NMT1: variants seen among roughly 807,000 people sequenced by gnomAD.
The protein encoded by NMT1 is glycylpeptide N-tetradecanoyltransferase 1.
In NMT1, 12 loss-of-function variants were observed where a neutral mutation model predicts 63.4. The observed-to-expected ratio is 0.19, with a 90% CI of 0.12 to 0.31. NMT1 has a LOEUF of 0.31. NMT1 is among the 10% of genes least tolerant of loss of function. The pLI, the probability that NMT1 is intolerant of heterozygous loss-of-function variation, is 1.00. For missense variants in NMT1, 432 were observed against 634.6 expected (o/e 0.68, Z 3.43); for synonymous variants, 228 against 234.3 (o/e 0.97, Z 0.25).
At chr17:45,093,935 T>C (rs1227068836) in intron 4 of NMT1, 132 bp downstream of exon 4, 2 of 660,396 alleles carry the variant, frequency 3.0e-6, no homozygotes, top group Admixed American at 5.8e-5. Context: ...GACTCCCGTC[T>C]GTAACTTCCT....
intron 6 of NMT1, among the ~76,000 whole-genome samples, chr17:45,097,867 C>T (rs2054136545): frequency 6.6e-6 from 1 of 152,202 alleles, no homozygotes; most frequent in Non-Finnish European, 1.5e-5. Context: ...ACTTGAACAG[C>T]AGCAGAAATG....
chr17:45,081,301 A>G (rs1377738176), intron 1 of NMT1, among the ~76,000 whole-genome samples: 1 of 152,256 alleles, frequency 6.6e-6, no homozygotes, highest in Non-Finnish European at 1.5e-5. Flanking sequence ...TCAAGGAAGT[A>G]TTGTGGTATG....
rs754018187 is a variant in NMT1 at position 45,103,855 on chromosome 17, C to T, written c.1311C>T (p.Asp437=). Residue 437 remains aspartate (D), a synonymous_variant, in exon 10 of 12, where the codon GAC becomes GAT. Transcript: ENST00000258960. This position sits in a 1 kb window ranked among gnomAD's most constrained non-coding sequence, Gnocchi z 4.8. ...CCCCTCTTCTAGACCTCATGAGCGA[C>T]GCCCTTGTCCTCGCCAAAATGGTGA... ...TQTPLLDLMS[D]ALVLAKMKGF... is the part of the protein sequence containing the mutation. The T allele has an allele frequency of 4.5e-5, 72 of 1,613,948 alleles. No homozygotes were observed. The highest frequency in any genetic ancestry group is 1.6e-4 in the African/African-American group (12 of 74,904).
Position 45,091,187 on chromosome 17 carries a change from G to GACACACACACACACACAC in NMT1, c.386-2465_386-2448dup, listed in dbSNP as rs3062356. 7.1e-3 allele frequency among the ~76,000 whole-genome samples: 860 copies of GACACACACACACACACAC among 121,026 alleles called. 28 individuals are homozygous for GACACACACACACACACAC. Among genetic ancestry groups the GACACACACACACACACAC allele is most frequent in the East Asian group, 0.012 (46 of 3,886 alleles). The allele number at this position is 121,026 out of a possible 152,430, so 79.4% of individuals were successfully genotyped here. ...ATATTTCCTCTGAGAGGTCTTTCCT[G>GACACACACACACACACAC]ACACACACACACACACACACACACA... On this transcript the variant is annotated intron_variant, in intron 3 of 11. Coordinates refer to ENST00000258960, the MANE Select transcript of NMT1 (RefSeq NM_021079.5).
chr17:45,096,084 C>G (rs1479504150), intron 4 of NMT1, 110 bp from the exon 5 acceptor site: 2 of 774,208 alleles, frequency 2.6e-6, no homozygotes, highest in Admixed American at 2.1e-5. Flanking sequence ...GACTCCACGT[C>G]GTTTTTGGTA....
chr17:45,067,810 T>C (rs1253780401), intron 1 of NMT1, among the ~76,000 whole-genome samples: 1 of 152,216 alleles, frequency 6.6e-6, no homozygotes, highest in Non-Finnish European at 1.5e-5. Flanking sequence ...CAAGAGCTGC[T>C]TCAAAGAGAA....
intron 1 of NMT1, among the ~76,000 whole-genome samples, chr17:45,065,892 T>TA (rs1327640987): frequency 6.6e-6 from 1 of 150,938 alleles, no homozygotes; most frequent in East Asian, 1.9e-4. Flanking sequence ...TTTTTTTTTT[T>TA]AAAGAGACTG....
chr17:45,069,643 CTT>C (rs946235664), intron 1 of NMT1, among the ~76,000 whole-genome samples: 6 of 152,104 alleles, frequency 3.9e-5, no homozygotes, highest in African/African-American at 1.4e-4. Flanking sequence ...CCACTGGTCT[CTT>C]TGACATCTCA....
At chr17:45,099,601 GA>G in intron 8 of NMT1, 88 bp downstream of exon 8, 1 of 930,726 alleles carries the variant, frequency 1.1e-6, no homozygotes. Context: ...TCTGGGTGGA[GA>G]GGGAGCTTTC....
chr17:45,086,689 C>G (rs747761933), intron 3 of NMT1, 37 bp downstream of exon 3: 1 of 1,573,840 alleles, frequency 6.4e-7, no homozygotes, highest in Non-Finnish European at 8.6e-7. Flanking sequence ...AGGTCAGGGG[C>G]GAGGGATCTG....
Position 45,105,086 on chromosome 17 carries a change from G to A in NMT1, c.1470+90G>A, listed in dbSNP as rs1043635247. The A allele has an allele frequency of 1.1e-5, 17 of 1,528,592 alleles. No homozygotes were observed. Among genetic ancestry groups the A allele is most frequent in the Admixed American group, 3.5e-5 (2 of 57,028 alleles). The allele number at this position is 1,528,592 out of a possible 1,614,324, so 94.7% of individuals were successfully genotyped here. On this transcript the variant is annotated intron_variant, in intron 11 of 11. Coordinates refer to ENST00000258960, the MANE Select transcript of NMT1 (RefSeq NM_021079.5). The surrounding 1 kb of genome is among the most constrained non-coding windows in gnomAD (Gnocchi z 4.2). Reference sequence around the variant, plus strand: ...CGGGCCATGGGTTGAGGAGACAGCCGCAGTCTGGGTCCTTGTTACCTCGAG... The same window carrying A: ...CGGGCCATGGGTTGAGGAGACAGCCACAGTCTGGGTCCTTGTTACCTCGAG...
chr17:45,065,825 G>A (rs533688869), intron 1 of NMT1, among the ~76,000 whole-genome samples: 98 of 150,738 alleles, frequency 6.5e-4, no homozygotes, highest in Non-Finnish European at 1.2e-3. Flanking sequence ...TCTAAAATGT[G>A]TAATATATAA....
intron 3 of NMT1, among the ~76,000 whole-genome samples, chr17:45,087,232 T>A (rs2054061042): frequency 6.6e-6 from 1 of 151,952 alleles, no homozygotes; most frequent in Admixed American, 6.6e-5. Context: ...AGAGTGGGAA[T>A]GTCTGCCCAG....
At chr17:45,094,912 A>G (rs995398692) in intron 4 of NMT1, among the ~76,000 whole-genome samples, 2 of 150,696 alleles carry the variant, frequency 1.3e-5, no homozygotes, top group Non-Finnish European at 2.9e-5. Context: ...TTCCAGGTTC[A>G]AGTGATTCTC....
At chr17:45,083,182 G>C (rs1325954844) in intron 2 of NMT1, among the ~76,000 whole-genome samples, 1 of 151,852 alleles carries the variant, frequency 6.6e-6, no homozygotes, top group Admixed American at 6.6e-5. Context: ...AGCCAGGCGT[G>C]GTGGCACGCA....
rs1349991909 is a variant in NMT1 at position 45,106,463 on chromosome 17, C to T, written c.*824C>T. 1 of 152,672 alleles carries T rather than the reference C, an allele frequency of 6.5e-6. No individual in the cohort carries two copies. The highest frequency in any genetic ancestry group is 1.5e-5 in the Non-Finnish European group (1 of 68,070). The allele number at this position is 152,672 out of a possible 1,614,324, so 9.5% of individuals were successfully genotyped here. A position where few individuals can be genotyped will look rare whatever the true frequency, so the allele number is the denominator to read the frequency against. ...GGGCTCTTTAGCCAGTTGTTGCCAA[C>T]CTTATAGGGATGAGTCCCCTGTGAG... is the stretch of plus-strand genomic sequence containing the variant. On this transcript the variant is annotated 3_prime_UTR_variant, in exon 12 of 12. Coordinates refer to ENST00000258960, the MANE Select transcript of NMT1 (RefSeq NM_021079.5).
In NMT1 at chr17:45,098,491, G is replaced by A. The variant is rs367724198; in HGVS notation, c.823G>A (p.Gly275Ser). The stretch of plus-strand genomic sequence containing the variant: ...GATCACCAGGCGGGTTCACCTGGAG[G>A]GCATCTTCCAAGCAGTTTACACTGC... The part of the protein sequence containing the change: ...REITRRVHLE[G>S]IFQAVYTAGV... The change falls in exon 7 of 12, where the codon GGC (glycine) becomes AGC (serine). Residue 275 changes from glycine (G) to serine (S), a missense_variant. Gly to Ser is a moderately conservative substitution (Grantham distance 56). Transcript: ENST00000258960. 1 of 1,614,086 alleles carries A rather than the reference G, an allele frequency of 6.2e-7. No individual in the cohort carries two copies. The highest frequency in any genetic ancestry group is 1.3e-5 in the African/African-American group (1 of 74,926).
At chr17:45,074,977 G>T (rs1168621975) in intron 1 of NMT1, among the ~76,000 whole-genome samples, 2 of 152,176 alleles carry the variant, frequency 1.3e-5, no homozygotes, top group Non-Finnish European at 2.9e-5. Flanking sequence ...ACTTTTGGAG[G>T]CCAAGGCAGG....
rs2054018202 is a variant in NMT1, at chr17:45,081,720, G to A, written c.208G>A (p.Glu70Lys). The A allele has an allele frequency of 1.9e-6, 3 of 1,592,348 alleles. No individual in the cohort carries two copies. In the East Asian group the frequency reaches 6.9e-5, roughly 36 times the overall value. ...KQKKKKEKGSETDSAQDQPVK... is the reference protein window; with the variant it reads ...KQKKKKEKGSKTDSAQDQPVK... ...AAAAAAGAAGAAAGAAAAAGGCAGT[G>A]AGACAGATTCAGCCCAGGATCAGCC... Residue 70 changes from glutamate (E) to lysine (K), a missense_variant, in exon 2 of 12, where the codon GAG becomes AAG. This residue lies in a region of NMT1 where 121 missense variants were observed against 103.7 expected (regional missense o/e 1.17). Transcript: ENST00000258960.
Sources: allele counts gnomAD v4.1 joint callset (sites outside exome capture counted in the v4.1 genomes callset), GRCh38; gene constraint gnomAD v4.1.1; regional missense constraint gnomAD v4.1.1; non-coding constraint Gnocchi (gnomAD v3.1); transcripts MANE v1.5; gene names NCBI Gene and HGNC (gene_info 2026-07-23, HGNC 2026-07-21).